MID1: variants seen among roughly 807,000 people sequenced by gnomAD.
The protein encoded by MID1 is E3 ubiquitin-protein ligase Midline-1.
MID1 carries 7 observed loss-of-function variants against 40.4 expected under a neutral mutation model. That is an observed-to-expected ratio of 0.17 (90% CI 0.10 to 0.33). MID1 has a LOEUF of 0.33. Ranked by LOEUF, MID1 falls within the 10% of genes least tolerant of loss-of-function variation. The probability of loss-of-function intolerance (pLI) is 1.00; values close to 1 mark genes in which losing one functional copy is unlikely to be tolerated. For missense variants in MID1, 367 were observed against 558.5 expected (o/e 0.66, Z 3.46); for synonymous variants, 229 against 221.2 (o/e 1.04, Z -0.31).
At chrX:10,535,249 C>T (rs191479707) in intron 2 of MID1, among the ~76,000 whole-genome samples, 2 of 111,557 alleles carry the variant, frequency 1.8e-5, no homozygotes, top group Admixed American at 1.9e-4. Flanking sequence ...CCAGGAGATT[C>T]CAATGTGCAT....
chrX:10,555,211 C>A (rs771254160), intron 2 of MID1, among the ~76,000 whole-genome samples: 2 of 111,994 alleles, frequency 1.8e-5, no homozygotes, highest in Non-Finnish European at 3.8e-5. Context: ...AAGCATCCAG[C>A]CGGCTTTTTT....
At chrX:10,570,805 A>C (rs1162886322) in intron 1 of MID1, among the ~76,000 whole-genome samples, 1 of 112,680 alleles carries the variant, frequency 8.9e-6, no homozygotes, top group Non-Finnish European at 1.9e-5. Context: ...CAACATAACC[A>C]TATTTAGAAA....
chrX:10,453,445 A>C (rs924247807), intron 9 of MID1, among the ~76,000 whole-genome samples: 5 of 112,186 alleles, frequency 4.5e-5, no homozygotes, highest in African/African-American at 1.6e-4. Context: ...TTTTAAAGCA[A>C]GGATTCAGCT....
chrX:10,454,715 G>T (rs992169140), intron 9 of MID1, among the ~76,000 whole-genome samples, 155 bp downstream of exon 9: 1 of 111,985 alleles, frequency 8.9e-6, no homozygotes, highest in Non-Finnish European at 1.9e-5. Context: ...GAGTTTGGGG[G>T]TGTTTGTTAT....
Position 10,544,870 on chromosome X carries a change from T to C in MID1, c.661-21683A>G, listed in dbSNP as rs777362580. On this transcript the variant is annotated intron_variant, in intron 2 of 9. Transcript: ENST00000317552. ...GTGAAAATGTTGCTGTCCTATATAG[T>C]AGAAATGCAACATAATTATGAACTC... 9.8e-5 allele frequency among the ~76,000 whole-genome samples: 11 copies of C among 112,747 alleles called. No individual in the cohort carries two copies. In the South Asian group the frequency reaches 3.7e-3, roughly 38 times the overall value.
chrX:10,714,592 C>T (rs2043288622), intron 1 of MID1, among the ~76,000 whole-genome samples: 1 of 112,711 alleles, frequency 8.9e-6, no homozygotes, highest in Non-Finnish European at 1.9e-5. Context: ...TTTTAATATG[C>T]TTTGCATTTC....
chrX:10,506,397 C>G, intron 3 of MID1: 1 of 1,048,184 alleles, frequency 9.5e-7, no homozygotes. Flanking sequence ...AACTACGAAG[C>G]CAGTAAAGTG....
intron 1 of MID1, among the ~76,000 whole-genome samples, chrX:10,721,250 T>C (rs1382672908): frequency 1.8e-5 from 2 of 111,290 alleles, no homozygotes; most frequent in African/African-American, 6.5e-5. Context: ...TAAGGGGTTT[T>C]CTTGTGTTAA....
chrX:10,492,588 C>T (rs1931010744), intron 4 of MID1, among the ~76,000 whole-genome samples: 1 of 112,031 alleles, frequency 8.9e-6, no homozygotes, highest in African/African-American at 3.2e-5. Context: ...CCTTCTATAG[C>T]CCATGGCATT....
At chrX:10,767,611 GC>G (rs1461526829) in intron 1 of MID1, among the ~76,000 whole-genome samples, 5 of 111,954 alleles carry the variant, frequency 4.5e-5, no homozygotes, top group African/African-American at 1.6e-4. Context: ...GAGCCACTGC[GC>G]CTGGCCTTGA....
chrX:10,454,910 CA>C lies in MID1; in HGVS notation c.1614del (p.Ser538ArgfsTer10). 1 of 1,211,396 alleles carries C rather than the reference CA, an allele frequency of 8.3e-7. No individual in the cohort carries two copies. Among genetic ancestry groups the C allele is most frequent in the East Asian group, 3.0e-5 (1 of 33,838 alleles). ...ATGACCACTTCCCAATAATGCCGGC[CA>C]CTATCAATAAACACATTTCCAGCTA... ...YGVAGNVFID[S>X]GRHYWEVVIS... On this transcript the variant is annotated frameshift_variant, in exon 9 of 10. Transcript: ENST00000317552. LOFTEE classifies it high-confidence loss of function.
At chrX:10,500,676 AGTTATGTTCTGGT>A (rs1213530304) in intron 3 of MID1, among the ~76,000 whole-genome samples, 1 of 111,773 alleles carries the variant, frequency 8.9e-6, no homozygotes, top group Non-Finnish European at 1.9e-5. Context: ...GGTTACTTGC[AGTTATGTTCTGGT>A]GTTTCTAGTT....
At chrX:10,701,732 T>G (rs932756119) in intron 1 of MID1, among the ~76,000 whole-genome samples, 4 of 112,395 alleles carry the variant, frequency 3.6e-5, no homozygotes, top group Non-Finnish European at 7.5e-5. Flanking sequence ...GTATTCATTT[T>G]TCCCTGGATC....
At chrX:10,684,862 G>C (rs1253005485) in intron 1 of MID1, among the ~76,000 whole-genome samples, 2 of 111,746 alleles carry the variant, frequency 1.8e-5, no homozygotes, top group Non-Finnish European at 3.8e-5. Flanking sequence ...TTAACACCCA[G>C]TAAGACCTCT....
chrX:10,554,772 C>A (rs1934055738), intron 2 of MID1, among the ~76,000 whole-genome samples: 1 of 111,249 alleles, frequency 9.0e-6, no homozygotes, highest in African/African-American at 3.3e-5. Context: ...TTCAGACTCA[C>A]TCACACAGGC....
chrX:10,720,184 G>A (rs1372726118), intron 1 of MID1, among the ~76,000 whole-genome samples: 3 of 111,563 alleles, frequency 2.7e-5, no homozygotes, highest in Admixed American at 9.6e-5. Context: ...CAACAAAAGC[G>A]AAAATTGACA....
At chrX:10,824,053 G>C (rs913468980) in intron 1 of MID1, among the ~76,000 whole-genome samples, 1 of 111,457 alleles carries the variant, frequency 9.0e-6, no homozygotes, top group South Asian at 3.7e-4. Context: ...ATACAGCCTG[G>C]GTAAGCAGAG....
At position 10,589,253 on chromosome X, in the gene MID1, T is replaced by C. The variant is rs1369358208; in HGVS notation, c.-56-21650A>G. ...AAAACAAAAACCAAAGTGCCGGTAC[T>C]GCCACACCGTGGGTGATCAGGCCAT... On this transcript the variant is annotated intron_variant, in intron 1 of 9. Coordinates refer to ENST00000317552, the MANE Select transcript of MID1 (RefSeq NM_000381.4). 5.4e-5 allele frequency among the ~76,000 whole-genome samples: 6 copies of C among 111,710 alleles called. No individual in the cohort carries two copies. In the East Asian group the frequency reaches 1.7e-3, roughly 32 times the overall value.
chrX:10,803,411 G>C (rs1347681911), intron 1 of MID1, among the ~76,000 whole-genome samples: 4 of 103,469 alleles, frequency 3.9e-5, no homozygotes, highest in African/African-American at 1.4e-4. Context: ...GGAGTGCAGA[G>C]GCCTGATCTC....
Sources: gnomAD v4.1 joint callset for allele counts (sites outside exome capture counted in the v4.1 genomes callset) on GRCh38, gnomAD v4.1.1 for gene constraint, MANE v1.5 for transcripts, NCBI Gene and HGNC (gene_info 2026-07-23, HGNC 2026-07-21) for gene names.